The following SQSTM1 variants were observed in gnomAD, a reference collection of about 807,000 sequenced individuals.
The protein encoded by SQSTM1 is sequestosome 1, also known as sequestosome-1.
SQSTM1 carries 36 observed loss-of-function variants against 45.1 expected under a neutral mutation model. The observed-to-expected ratio is 0.80, with a 90% CI of 0.61 to 1.05. The LOEUF (loss-of-function observed/expected upper bound fraction) is 1.05. Ranked by LOEUF, SQSTM1 falls within the 50% of genes least tolerant of loss-of-function variation. The pLI, the probability that SQSTM1 is intolerant of heterozygous loss-of-function variation, is 0.00. For missense variants in SQSTM1, 617 were observed against 607.1 expected, an observed-to-expected ratio of 1.02 and a Z score of -0.17; for synonymous variants, 290 against 244.3, an observed-to-expected ratio of 1.19 and a Z score of -1.74.
At chr5:179,808,813 T>C (rs1024472873) in intron 1 of SQSTM1, among the ~76,000 whole-genome samples, 2 of 151,948 alleles carry the variant, frequency 1.3e-5, no homozygotes, top group Non-Finnish European at 2.9e-5. Flanking sequence ...CAAATTTTTT[T>C]GGATTTTTTT....
rs1758592161 is a variant in SQSTM1, at chr5:179,836,944, CA to C, written c.*352del. 1.6e-6 allele frequency: 1 copy of C among 607,298 alleles called. No individual in the cohort carries two copies. 37.6% of individuals were successfully genotyped at this position (607,298 alleles called of 1,614,324 possible). A position where few individuals can be genotyped will look rare whatever the true frequency, so the allele number is the denominator to read the frequency against. ...ACTTTCTCTTTTGTTTTAAATGACT[CA>C]TAGGTCCCTGACATTTAGTTGATTA... On this transcript the variant is annotated 3_prime_UTR_variant, in exon 8 of 8. Transcript: ENST00000389805.
chr5:179,825,723 G>A (rs1024897012), intron 5 of SQSTM1, among the ~76,000 whole-genome samples: 1 of 152,216 alleles, frequency 6.6e-6, no homozygotes, highest in Non-Finnish European at 1.5e-5. Flanking sequence ...CAGGTGCTCT[G>A]GGTGACACCC....
intron 7 of SQSTM1, among the ~76,000 whole-genome samples, chr5:179,834,487 A>G (rs1758415760): frequency 6.6e-6 from 1 of 151,826 alleles, no homozygotes; most frequent in Admixed American, 6.6e-5. Flanking sequence ...GTCATAGGAC[A>G]ATAGTGGAGG....
At chr5:179,823,783 C>G in intron 2 of SQSTM1, 75 bp from the exon 3 acceptor site, 1 of 1,512,870 alleles carries the variant, frequency 6.6e-7, no homozygotes, top group East Asian at 2.3e-5. Context: ...CTGGCAGTGA[C>G]AGCCCCACAG....
In SQSTM1 at chr5:179,825,232, T is replaced by C; in HGVS notation, c.754+6T>C. ...AGCTGCCCTTAGCCCTCTGGGTGAG[T>C]GCACCTCCTTGCCCAGTGCTTCCCT... On this transcript the variant is annotated splice_donor_region_variant and intron_variant, in intron 5 of 7. Transcript: ENST00000389805. 1 of 1,611,400 alleles carries C rather than the reference T, an allele frequency of 6.2e-7. No individual in the cohort carries two copies. Among genetic ancestry groups the C allele is most frequent in the Non-Finnish European group, 8.5e-7 (1 of 1,178,134 alleles).
intron 5 of SQSTM1, among the ~76,000 whole-genome samples, chr5:179,828,687 C>T (rs1224780561): frequency 6.6e-6 from 1 of 152,160 alleles, no homozygotes; most frequent in Non-Finnish European, 1.5e-5. Flanking sequence ...TCAACCTTTT[C>T]ATAATCACAA....
rs1183376167 is a variant in SQSTM1, at chr5:179,837,374, A to G, written c.*781A>G. The stretch of plus-strand genomic sequence containing the variant: ...TCCTAACAAGTGTATCTCGATTAAT[A>G]ACCTGCCAGTCCCAGATCACACATC... On this transcript the variant is annotated 3_prime_UTR_variant, in exon 8 of 8. Transcript: ENST00000389805. 1.3e-5 allele frequency: 20 copies of G among 1,582,586 alleles called. No homozygotes were observed. The highest frequency in any genetic ancestry group is 1.7e-5 in the Non-Finnish European group (20 of 1,163,224).
chr5:179,818,577 C>T (rs1238417354), upstream of SQSTM1, among the ~76,000 whole-genome samples: 4 of 152,172 alleles, frequency 2.6e-5, no homozygotes, highest in South Asian at 4.1e-4. Flanking sequence ...CTGTGGCTGC[C>T]CCGGCTGGTC....
At chr5:179,820,502 G>A (rs971719527), upstream of SQSTM1, 2 of 159,474 alleles carry the variant, frequency 1.3e-5, no homozygotes, top group Non-Finnish European at 2.7e-5. Flanking sequence ...CTCCTGATAT[G>A]GGGGCTGTGT....
chr5:179,810,508 T>A (rs59681417), intron 1 of SQSTM1, among the ~76,000 whole-genome samples: 3,613 of 152,344 alleles, frequency 0.024, 79 homozygotes, highest in African/African-American at 0.046. Flanking sequence ...CTTAATCCAG[T>A]CTATCATTGA....
intron 5 of SQSTM1, among the ~76,000 whole-genome samples, 200 bp from the exon 6 acceptor site, chr5:179,832,831 GC>G (rs1352040540): frequency 6.6e-6 from 1 of 152,086 alleles, no homozygotes; most frequent in African/African-American, 2.4e-5. Context: ...TCCCATACTG[GC>G]TGTGTGATTG....
upstream of SQSTM1, among the ~76,000 whole-genome samples, chr5:179,816,210 G>T (rs186064106): frequency 1.3e-5 from 2 of 152,244 alleles, no homozygotes; most frequent in Admixed American, 1.3e-4. Context: ...GTGCAGTGGC[G>T]CCATGTCAGC....
chr5:179,808,909 G>A (rs1435773284), intron 1 of SQSTM1, among the ~76,000 whole-genome samples: 5 of 149,408 alleles, frequency 3.3e-5, no homozygotes, highest in African/African-American at 1.2e-4. Flanking sequence ...CCAGGCTGGA[G>A]TGCAGTGGCA....
chr5:179,821,498 G>T, intron 1 of SQSTM1: 2 of 524,266 alleles, frequency 3.8e-6, no homozygotes, highest in Admixed American at 4.5e-5. Flanking sequence ...CTCTCCGCGG[G>T]CACTGGGTGG....
At position 179,806,576 on chromosome 5, in the gene SQSTM1, A is replaced by C; in HGVS notation, c.-172A>C. The C allele has an allele frequency of 3.1e-6, 4 of 1,283,162 alleles. No individual in the cohort carries two copies. The highest frequency in any genetic ancestry group is 4.1e-6 in the Non-Finnish European group (4 of 987,204). 79.5% of individuals were successfully genotyped at this position (1,283,162 alleles called of 1,614,324 possible). ...CAGCGTCAGGAAGGTGCCATTGCGG[A>C]GCCTCATCTCCTCGGGTGCGCGGCG... is the stretch of plus-strand genomic sequence containing the variant. On this transcript the variant is annotated 5_prime_UTR_variant, in exon 1 of 6. Transcript: ENST00000514093. The surrounding 1 kb of genome is among the most constrained non-coding windows in gnomAD (Gnocchi z 4.6).
Position 179,825,239 on chromosome 5 carries a change from C to A in SQSTM1, c.754+13C>A, listed in dbSNP as rs1232662115. The stretch of plus-strand genomic sequence containing the variant: ...CTTAGCCCTCTGGGTGAGTGCACCT[C>A]CTTGCCCAGTGCTTCCCTAACTCAG... On this transcript the variant is annotated intron_variant, in intron 5 of 7. Coordinates refer to ENST00000389805, the MANE Select transcript of SQSTM1 (RefSeq NM_003900.5). 2 of 1,608,800 alleles carry A rather than the reference C, an allele frequency of 1.2e-6. No homozygotes were observed. The highest frequency in any genetic ancestry group is 3.3e-5 in the Admixed American group (2 of 60,012).
At chr5:179,821,463 G>T in intron 1 of SQSTM1, 2 of 572,918 alleles carry the variant, frequency 3.5e-6, no homozygotes, top group East Asian at 4.1e-5. Flanking sequence ...ATTTTGGCAA[G>T]GACGCGCCGG....
At chr5:179,818,095 T>C (rs1453677952), upstream of SQSTM1, among the ~76,000 whole-genome samples, 1 of 145,926 alleles carries the variant, frequency 6.9e-6, no homozygotes, top group African/African-American at 2.5e-5. Context: ...AAGGCCCCGC[T>C]GAGGAGGAGA....
upstream of SQSTM1, among the ~76,000 whole-genome samples, chr5:179,818,668 C>G (rs1022709693): frequency 6.6e-6 from 1 of 152,204 alleles, no homozygotes; most frequent in African/African-American, 2.4e-5. Context: ...AGTCTCTGTC[C>G]TGCCCTGACC....
Sources: gnomAD v4.1 joint callset for allele counts (sites outside exome capture counted in the v4.1 genomes callset) on GRCh38, gnomAD v4.1.1 for gene constraint, Gnocchi (gnomAD v3.1) non-coding constraint, MANE v1.5 for transcripts, NCBI Gene and HGNC (gene_info 2026-07-23, HGNC 2026-07-21) for gene names.